LIFR: variants seen among roughly 807,000 people sequenced by gnomAD.
The protein encoded by LIFR is LIF receptor subunit alpha.
In LIFR, 84 loss-of-function variants were observed where a neutral mutation model predicts 122.2. The ratio of observed to expected loss-of-function variants is 0.69; its 90% CI spans 0.58 to 0.82. LIFR has a LOEUF of 0.82. LIFR is among the 40% of genes least tolerant of loss of function. The pLI, the probability that LIFR is intolerant of heterozygous loss-of-function variation, is 0.00. For synonymous variants in LIFR, 422 were observed against 434.7 expected (o/e 0.97, Z 0.36); for missense variants, 1,294 against 1,311.6 (o/e 0.99, Z 0.21).
At chr5:38,484,015 G>A (rs73749256) in intron 18 of LIFR, among the ~76,000 whole-genome samples, 4,729 of 152,188 alleles carry the variant, frequency 0.031, 227 homozygotes, top group African/African-American at 0.1. Flanking sequence ...ACTCATTCCT[G>A]TTTCACCAGG....
At chr5:38,518,083 C>T (rs1323741169) in intron 5 of LIFR, among the ~76,000 whole-genome samples, 2 of 151,574 alleles carry the variant, frequency 1.3e-5, no homozygotes, top group Admixed American at 1.3e-4. Flanking sequence ...CACTGTACTC[C>T]AGCCAAGTTG....
At chr5:38,555,954 G>A (rs962928072) in intron 1 of LIFR, among the ~76,000 whole-genome samples, 3 of 152,170 alleles carry the variant, frequency 2.0e-5, no homozygotes, top group African/African-American at 7.2e-5. Context: ...ATGCACTACG[G>A]ATACAGAAAG....
chr5:38,600,668 C>T (rs1012291771), intron 2 of LIFR, among the ~76,000 whole-genome samples: 1 of 152,164 alleles, frequency 6.6e-6, no homozygotes, highest in Non-Finnish European at 1.5e-5. Flanking sequence ...TTTCAGCCTC[C>T]CTTCCTGGCT....
rs1717661917 is a variant in LIFR, at chr5:38,505,893, T to C, written c.1291+12A>G. 2 of 1,581,650 alleles carry C rather than the reference T, an allele frequency of 1.3e-6. No homozygotes were observed. The highest frequency in any genetic ancestry group is 1.3e-5 in the African/African-American group (1 of 74,358). ...AAGTTATTTTTAAGACATTAGTTTATGTACAGCTTACCTTTTTCAGTTATA... is the reference window on the plus strand; with the variant it reads ...AAGTTATTTTTAAGACATTAGTTTACGTACAGCTTACCTTTTTCAGTTATA... On this transcript the variant is annotated intron_variant, in intron 9 of 19. Transcript: ENST00000453190.
At chr5:38,539,682 G>A (rs536664603) in intron 1 of LIFR, among the ~76,000 whole-genome samples, 1 of 151,634 alleles carries the variant, frequency 6.6e-6, no homozygotes, top group South Asian at 2.1e-4. Flanking sequence ...TTTTTGGGGG[G>A]GGTAATACAT....
upstream of LIFR, among the ~76,000 whole-genome samples, chr5:38,598,340 G>T (rs1388959153): frequency 2.8e-5 from 4 of 144,276 alleles, no homozygotes; most frequent in Non-Finnish European, 6.0e-5. Context: ...TCCCCCTCCC[G>T]AGTTGAAGCA....
Position 38,493,635 on chromosome 5 carries a change from G to T in LIFR, c.2036C>A (p.Ser679Ter). The change falls in exon 14 of 20, where the codon TCA (serine) becomes TAA (stop). Residue 679 changes from serine to a stop codon, truncating the protein, a stop_gained. Transcript: ENST00000453190. LOFTEE classifies it high-confidence loss of function. ...TTCTATTACAGTTTCAGTGCTGTTT[G>T]AGGGAACTTTTCTCCAGTCCATAAG... ...PCLMDWRKVP[S>*]NSTETVIESD... 1 of 1,614,122 alleles carries T rather than the reference G, an allele frequency of 6.2e-7. No individual in the cohort carries two copies. The highest frequency in any genetic ancestry group is 8.5e-7 in the Non-Finnish European group (1 of 1,179,992).
chr5:38,604,856 ATGTAAGATTTACATTGCTT>A (rs571142341), intron 2 of LIFR, among the ~76,000 whole-genome samples: 1 of 152,310 alleles, frequency 6.6e-6, no homozygotes, highest in African/African-American at 2.4e-5. Flanking sequence ...CACTCAATAC[ATGTAAGATTTACATTGCTT>A]TGATCTGGAA....
Position 38,506,570 on chromosome 5 carries a change from T to C in LIFR, c.1054A>G (p.Ser352Gly). ...GCTGTCACCCTTCCTGGATTCCAAC[T>C]ACATATAATTTCTTTTAAATCATGT... is the stretch of plus-strand genomic sequence containing the variant. ...ETHDLKEIIC[S>G]WNPGRVTALV... The change falls in exon 8 of 20, where the codon AGT (serine) becomes GGT (glycine). Residue 352 changes from serine (S) to glycine (G), a missense_variant. Physicochemically the swap from Ser to Gly is moderately conservative, Grantham distance 56. Coordinates refer to ENST00000453190, the MANE Select transcript of LIFR (RefSeq NM_001127671.2). 6.2e-7 allele frequency: 1 copy of C among 1,613,618 alleles called. No homozygotes were observed.
chr5:38,538,514 C>T (rs553581919), intron 1 of LIFR, among the ~76,000 whole-genome samples: 9 of 152,200 alleles, frequency 5.9e-5, no homozygotes, highest in Non-Finnish European at 1.2e-4. Flanking sequence ...CTGAATTAAG[C>T]TCACTTTCCC....
Position 38,506,547 on chromosome 5 carries a change from T to C in LIFR, c.1077A>G (p.Thr359=). 1 of 1,614,092 alleles carries C rather than the reference T, an allele frequency of 6.2e-7. No homozygotes were observed. Among genetic ancestry groups the C allele is most frequent in the Non-Finnish European group, 8.5e-7 (1 of 1,179,960 alleles). ...IICSWNPGRV[T]ALVGPRATSY... ...TTGTAGCACGTGGGCCCACCAACGC[T>C]GTCACCCTTCCTGGATTCCAACTAC... Residue 359 remains threonine, a synonymous_variant, in exon 8 of 20, where the codon ACA becomes ACG. Transcript: ENST00000453190.
intron 1 of LIFR, among the ~76,000 whole-genome samples, chr5:38,573,956 A>T (rs1459559294): frequency 6.6e-6 from 1 of 152,076 alleles, no homozygotes; most frequent in East Asian, 1.9e-4. Context: ...CTCTACTAAA[A>T]ATACAAAAAT....
At chr5:38,552,952 T>C (rs1748282289) in intron 1 of LIFR, among the ~76,000 whole-genome samples, 1 of 152,228 alleles carries the variant, frequency 6.6e-6, no homozygotes, top group African/African-American at 2.4e-5. Flanking sequence ...CAAGCAGATG[T>C]GTTGCTAGCC....
chr5:38,482,284 A>T, intron 19 of LIFR, 66 bp from the exon 20 acceptor site: 1 of 1,478,564 alleles, frequency 6.8e-7, no homozygotes, highest in Non-Finnish European at 9.1e-7. Context: ...CTCCTCCTAT[A>T]AAAAGGGACA....
At chr5:38,572,557 T>C (rs1290424058) in intron 1 of LIFR, among the ~76,000 whole-genome samples, 1 of 152,222 alleles carries the variant, frequency 6.6e-6, no homozygotes, top group African/African-American at 2.4e-5. Context: ...ACATTTGTGC[T>C]ACCACCTGTT....
intron 1 of LIFR, among the ~76,000 whole-genome samples, chr5:38,569,566 C>T (rs1749142111): frequency 6.6e-6 from 1 of 152,176 alleles, no homozygotes; most frequent in South Asian, 2.1e-4. Context: ...CCGATGTGAT[C>T]TGAGGTGGAA....
intron 1 of LIFR, among the ~76,000 whole-genome samples, chr5:38,584,782 A>G (rs991160101): frequency 1.3e-5 from 2 of 152,198 alleles, no homozygotes; most frequent in Non-Finnish European, 2.9e-5. Context: ...TAGAGATCTC[A>G]TGTAAAAAAT....
At position 38,496,415 on chromosome 5, in the gene LIFR, G is replaced by A. The variant is rs1481367004; in HGVS notation, c.1852C>T (p.Pro618Ser). The A allele has an allele frequency of 4.3e-6, 7 of 1,614,014 alleles. No individual in the cohort carries two copies. Among genetic ancestry groups the A allele is most frequent in the Admixed American group, 1.7e-5 (1 of 60,024 alleles). The part of the protein sequence containing the change: ...VAKNSVGSSP[P>S]SKIASMEIPN... Reference sequence around the variant, plus strand: ...ATTTCCATACTCGCTATTTTGGAAGGTGGTGATGAGCCCACAGAATTTTTA... The same window carrying A: ...ATTTCCATACTCGCTATTTTGGAAGATGGTGATGAGCCCACAGAATTTTTA... Residue 618 changes from proline (P) to serine (S), a missense_variant, in exon 13 of 20, where the codon CCT becomes TCT. By Grantham distance (74) the Pro-to-Ser change is moderately conservative. Transcript: ENST00000453190.
intron 1 of LIFR, among the ~76,000 whole-genome samples, chr5:38,542,731 G>T (rs77534620): frequency 0.013 from 1,997 of 152,076 alleles, 46 homozygotes; most frequent in African/African-American, 0.045. Flanking sequence ...AGGCTCTGTG[G>T]TGCCTCAGTG....
Sources: allele counts gnomAD v4.1 joint callset (sites outside exome capture counted in the v4.1 genomes callset), GRCh38; gene constraint gnomAD v4.1.1; transcripts MANE v1.5; gene names NCBI Gene and HGNC (gene_info 2026-07-23, HGNC 2026-07-21).